Variants in ATRNL1 observed in about 807,000 individuals in gnomAD.
ATRNL1 encodes attractin-like protein 1.
ATRNL1 carries 95 observed loss-of-function variants against 182.7 expected under a neutral mutation model. The observed-to-expected ratio is 0.52, with a 90% CI of 0.44 to 0.62. ATRNL1 has a LOEUF of 0.62. Among genes scored for constraint, ATRNL1 ranks in the 20% least tolerant of loss-of-function variants. ATRNL1 has a pLI of 0.00. For missense variants in ATRNL1, 1,471 were observed against 1,679.5 expected, an observed-to-expected ratio of 0.88 and a Z score of 2.17; for synonymous variants, 576 against 568.3, an observed-to-expected ratio of 1.01 and a Z score of -0.19.
intron 19 of ATRNL1, among the ~76,000 whole-genome samples, chr10:115,393,075 G>A (rs1267871576): frequency 6.6e-6 from 1 of 152,062 alleles, no homozygotes; most frequent in Non-Finnish European, 1.5e-5. Flanking sequence ...CATTAGGCTT[G>A]TGTAAGAGGA....
chr10:115,845,163 C>CA (rs1950898964), intron 27 of ATRNL1, among the ~76,000 whole-genome samples: 1 of 151,928 alleles, frequency 6.6e-6, no homozygotes, highest in Admixed American at 6.6e-5. Context: ...CATATTTTTG[C>CA]TAATATCCTT....
intron 21 of ATRNL1, among the ~76,000 whole-genome samples, chr10:115,461,592 A>T (rs1434535461): frequency 1.3e-5 from 2 of 152,110 alleles, no homozygotes; most frequent in Non-Finnish European, 2.9e-5. Context: ...CTGGAATAAA[A>T]TGCACCAAAA....
chr10:115,157,761 A>AT (rs2143971221), intron 5 of ATRNL1, among the ~76,000 whole-genome samples: 1 of 152,262 alleles, frequency 6.6e-6, no homozygotes, highest in Admixed American at 6.6e-5. Context: ...CTTTTGCCAT[A>AT]TAAGGTAAAA....
At chr10:115,510,120 A>G (rs1214131333) in intron 24 of ATRNL1, among the ~76,000 whole-genome samples, 1 of 152,068 alleles carries the variant, frequency 6.6e-6, no homozygotes, top group Admixed American at 6.6e-5. Context: ...ATAAAACTTT[A>G]TTAATGAGAT....
intron 26 of ATRNL1, among the ~76,000 whole-genome samples, chr10:115,681,710 C>G (rs2133951039): frequency 1.3e-5 from 2 of 152,212 alleles, no homozygotes; most frequent in East Asian, 3.9e-4. Flanking sequence ...TTTTCCTGCT[C>G]TTCTCCCTTG....
chr10:115,324,448 C>A (rs1461221933), intron 18 of ATRNL1, among the ~76,000 whole-genome samples: 9 of 152,052 alleles, frequency 5.9e-5, no homozygotes, highest in African/African-American at 2.2e-4. Flanking sequence ...TTTGTATAAC[C>A]TGGGTTGTGG....
At chr10:115,441,521 T>C (rs1224449095) in intron 21 of ATRNL1, among the ~76,000 whole-genome samples, 1 of 151,954 alleles carries the variant, frequency 6.6e-6, no homozygotes, top group Non-Finnish European at 1.5e-5. Flanking sequence ...TTTAGTCTTT[T>C]TTACTTTTTT....
intron 8 of ATRNL1, among the ~76,000 whole-genome samples, chr10:115,175,224 C>G (rs574263756): frequency 6.6e-6 from 1 of 152,088 alleles, no homozygotes; most frequent in Admixed American, 6.6e-5. Context: ...TCATCGTTTC[C>G]TTTATTGAAC....
At chr10:115,376,845 CAT>C (rs1375666772) in intron 19 of ATRNL1, among the ~76,000 whole-genome samples, 3 of 152,052 alleles carry the variant, frequency 2.0e-5, no homozygotes, top group Non-Finnish European at 2.9e-5. Context: ...TCCCATAATT[CAT>C]ATGTTTTTAT....
At chr10:115,616,094 TA>T (rs1259947090) in intron 26 of ATRNL1, among the ~76,000 whole-genome samples, 1 of 152,084 alleles carries the variant, frequency 6.6e-6, no homozygotes, top group Non-Finnish European at 1.5e-5. Flanking sequence ...ATATGGACAG[TA>T]AAGGTGAGGC....
intron 21 of ATRNL1, among the ~76,000 whole-genome samples, chr10:115,447,486 T>C (rs1199871464): frequency 2.0e-5 from 3 of 151,810 alleles, no homozygotes; most frequent in African/African-American, 7.2e-5. Flanking sequence ...GCTCACTTAA[T>C]CATCCATAAA....
At chr10:115,366,350 T>C (rs1414390509) in intron 19 of ATRNL1, among the ~76,000 whole-genome samples, 2 of 151,784 alleles carry the variant, frequency 1.3e-5, no homozygotes, top group East Asian at 1.9e-4. Context: ...CCCCTGCCTT[T>C]TTTTGTTTTC....
chr10:115,156,243 T>C (rs1392374967), intron 5 of ATRNL1, among the ~76,000 whole-genome samples: 2 of 152,018 alleles, frequency 1.3e-5, no homozygotes, highest in African/African-American at 4.8e-5. Context: ...ATTCAGTTTG[T>C]TTGTGGGTTG....
intron 28 of ATRNL1, among the ~76,000 whole-genome samples, chr10:115,876,185 G>T (rs894687891): frequency 3.9e-5 from 6 of 152,178 alleles, no homozygotes; most frequent in African/African-American, 1.4e-4. Context: ...CATACAATTT[G>T]CAGTCAGATG....
intron 26 of ATRNL1, among the ~76,000 whole-genome samples, chr10:115,701,654 G>C (rs1555051558): frequency 6.6e-6 from 1 of 151,980 alleles, no homozygotes; most frequent in Non-Finnish European, 1.5e-5. Flanking sequence ...AAGTTCTTCA[G>C]AGAATATTAT....
intron 24 of ATRNL1, among the ~76,000 whole-genome samples, chr10:115,478,022 T>C (rs1208640631): frequency 2.0e-5 from 3 of 151,708 alleles, no homozygotes; most frequent in Non-Finnish European, 4.4e-5. Flanking sequence ...ACTACCTCAA[T>C]TTGAAATTCT....
At chr10:115,095,601 A>G (rs1246098724) in intron 1 of ATRNL1, among the ~76,000 whole-genome samples, 1 of 152,164 alleles carries the variant, frequency 6.6e-6, no homozygotes. Context: ...ATGTAGTTTT[A>G]AAAATACTTT....
At chr10:115,672,107 A>G (rs1555041572) in intron 26 of ATRNL1, among the ~76,000 whole-genome samples, 3 of 152,140 alleles carry the variant, frequency 2.0e-5, no homozygotes, top group African/African-American at 7.2e-5. Context: ...TATATAACAC[A>G]TTGTACTTTT....
intron 24 of ATRNL1, among the ~76,000 whole-genome samples, chr10:115,517,713 C>A (rs1426003144): frequency 1.3e-5 from 2 of 151,578 alleles, no homozygotes; most frequent in African/African-American, 2.4e-5. Context: ...AACTAATTTT[C>A]TTTATTATGA....
Sources: allele counts gnomAD v4.1 joint callset (sites outside exome capture counted in the v4.1 genomes callset), GRCh38; gene constraint gnomAD v4.1.1; transcripts MANE v1.5; gene names NCBI Gene and HGNC (gene_info 2026-07-23, HGNC 2026-07-21).